HS6ST3: variants seen among roughly 807,000 people sequenced by gnomAD.
HS6ST3 encodes heparan sulfate 6-O-sulfotransferase 3.
Under a neutral mutation model 36.7 loss-of-function variants are expected in HS6ST3, and 12 were observed. The observed-to-expected ratio is 0.33, with a 90% CI of 0.21 to 0.53. HS6ST3 has a LOEUF of 0.53. Ranked by LOEUF, HS6ST3 falls within the 20% of genes least tolerant of loss-of-function variation. The pLI is 0.95. For missense variants in HS6ST3, 584 were observed against 640.9 expected (o/e 0.91, Z 0.96); for synonymous variants, 240 against 257.5 (o/e 0.93, Z 0.65).
intron 1 of HS6ST3, among the ~76,000 whole-genome samples, chr13:96,698,320 T>A (rs983302768): frequency 6.6e-6 from 1 of 152,160 alleles, no homozygotes; most frequent in Non-Finnish European, 1.5e-5. Flanking sequence ...CTTGTGATAG[T>A]TTGCTGAGAA....
intron 1 of HS6ST3, among the ~76,000 whole-genome samples, chr13:96,348,188 G>A (rs1321700004): frequency 2.6e-5 from 4 of 152,238 alleles, no homozygotes; most frequent in Non-Finnish European, 5.9e-5. Flanking sequence ...TATTAAAGCA[G>A]CACTTGACTG....
intron 1 of HS6ST3, among the ~76,000 whole-genome samples, chr13:96,105,747 A>G (rs1260955374): frequency 6.6e-6 from 1 of 152,196 alleles, no homozygotes; most frequent in African/African-American, 2.4e-5. Context: ...TTTTCTTTCT[A>G]TTGCTAACTA....
chr13:96,285,474 T>C (rs1328935650), intron 1 of HS6ST3, among the ~76,000 whole-genome samples: 1 of 152,168 alleles, frequency 6.6e-6, no homozygotes, highest in African/African-American at 2.4e-5. Flanking sequence ...ACATATGTGA[T>C]TTAATAAAGC....
intron 1 of HS6ST3, among the ~76,000 whole-genome samples, chr13:96,223,401 C>T (rs1218784282): frequency 6.6e-6 from 1 of 152,198 alleles, no homozygotes; most frequent in Non-Finnish European, 1.5e-5. Flanking sequence ...TGTTCCAATG[C>T]CCTTTGCAAT....
chr13:96,300,661 C>T (rs2054877697), intron 1 of HS6ST3, among the ~76,000 whole-genome samples: 1 of 152,038 alleles, frequency 6.6e-6, no homozygotes, highest in Non-Finnish European at 1.5e-5. Flanking sequence ...AATCAAGTCA[C>T]TCTATGGGTT....
chr13:96,379,252 A>G (rs1411696528), intron 1 of HS6ST3, among the ~76,000 whole-genome samples: 1 of 152,196 alleles, frequency 6.6e-6, no homozygotes, highest in African/African-American at 2.4e-5. Flanking sequence ...CCCAAACTTC[A>G]TGCGTTGAAA....
intron 1 of HS6ST3, among the ~76,000 whole-genome samples, chr13:96,502,942 G>T (rs751950465): frequency 2.0e-5 from 3 of 152,116 alleles, no homozygotes. Flanking sequence ...ACTGGTGTGC[G>T]CTTCCATCTG....
chr13:96,418,441 C>T (rs1339244443), intron 1 of HS6ST3, among the ~76,000 whole-genome samples: 2 of 152,174 alleles, frequency 1.3e-5, no homozygotes, highest in Non-Finnish European at 2.9e-5. Flanking sequence ...TGCCTTCTGT[C>T]TTGCTCAGTG....
At chr13:96,136,086 T>A (rs576399514) in intron 1 of HS6ST3, among the ~76,000 whole-genome samples, 51 of 152,322 alleles carry the variant, frequency 3.3e-4, no homozygotes, top group African/African-American at 1.1e-3. Context: ...TCTGAGGGTA[T>A]GCTTAAGGTA....
intron 1 of HS6ST3, among the ~76,000 whole-genome samples, chr13:96,103,185 C>T (rs911618039): frequency 6.6e-6 from 1 of 152,056 alleles, no homozygotes; most frequent in Non-Finnish European, 1.5e-5. Context: ...AAATCTGAGA[C>T]CTTTTTAAAA....
At chr13:96,201,091 G>T (rs369669603) in intron 1 of HS6ST3, among the ~76,000 whole-genome samples, 1 of 152,188 alleles carries the variant, frequency 6.6e-6, no homozygotes, top group Admixed American at 6.5e-5. Flanking sequence ...GGGAGTGGGT[G>T]TGCATCCCGC....
At chr13:96,645,976 C>CA (rs933669725) in intron 1 of HS6ST3, among the ~76,000 whole-genome samples, 393 of 140,154 alleles carry the variant, frequency 2.8e-3, no homozygotes, top group African/African-American at 6.6e-3. Context: ...GATGCTATTA[C>CA]AAAAAAAAAA....
chr13:96,247,186 C>G (rs1355567055), intron 1 of HS6ST3, among the ~76,000 whole-genome samples: 1 of 151,938 alleles, frequency 6.6e-6, no homozygotes, highest in Non-Finnish European at 1.5e-5. Flanking sequence ...ATCCTGGACC[C>G]CAGAACACCT....
intron 1 of HS6ST3, among the ~76,000 whole-genome samples, chr13:96,336,412 C>T (rs573781094): frequency 3.9e-5 from 6 of 152,272 alleles, no homozygotes; most frequent in South Asian, 2.1e-4. Flanking sequence ...CCCCAACCCC[C>T]AGTGGTGCAG....
intron 1 of HS6ST3, among the ~76,000 whole-genome samples, chr13:96,790,313 C>T (rs1205790200): frequency 7.3e-6 from 1 of 136,962 alleles, no homozygotes. Flanking sequence ...ACACACTCCT[C>T]TTATGTACTA....
At chr13:96,376,424 A>G (rs2055315242) in intron 1 of HS6ST3, among the ~76,000 whole-genome samples, 2 of 152,158 alleles carry the variant, frequency 1.3e-5, no homozygotes, top group South Asian at 2.1e-4. Context: ...AAGTGATTCA[A>G]TCCGGACCTA....
intron 1 of HS6ST3, among the ~76,000 whole-genome samples, chr13:96,523,058 T>C: frequency 6.6e-6 from 1 of 152,202 alleles, no homozygotes; most frequent in East Asian, 1.9e-4. Context: ...GCAGGCCTGG[T>C]GGTGACAAAA....
intron 1 of HS6ST3, among the ~76,000 whole-genome samples, chr13:96,705,481 G>T (rs891785108): frequency 3.3e-5 from 5 of 152,136 alleles, no homozygotes; most frequent in African/African-American, 1.2e-4. Flanking sequence ...CTGGAAATCA[G>T]AAATTACATA....
chr13:96,835,189 A>G lies in HS6ST3; in HGVS notation c.*1991A>G, dbSNP rs1196107205. 4.6e-5 allele frequency: 7 copies of G among 152,038 alleles called. No individual in the cohort carries two copies. The highest frequency in any genetic ancestry group is 1.5e-4 in the African/African-American group (6 of 41,360). 9.4% of individuals were successfully genotyped at this position (152,038 alleles called of 1,614,324 possible). ...CCAATAATGCAAGAAGCCAGCTGCA[A>G]TTTCCCAGAAGCATTTGTCTCTAAC... is the stretch of plus-strand genomic sequence containing the variant. On this transcript the variant is annotated 3_prime_UTR_variant, in exon 2 of 2. Coordinates refer to ENST00000376705, the MANE Select transcript of HS6ST3 (RefSeq NM_153456.4).
Sources: gnomAD v4.1 joint callset for allele counts (sites outside exome capture counted in the v4.1 genomes callset) on GRCh38, gnomAD v4.1.1 for gene constraint, MANE v1.5 for transcripts, NCBI Gene and HGNC (gene_info 2026-07-23, HGNC 2026-07-21) for gene names.